Variants in HPCAL4 observed in about 807,000 individuals in gnomAD.
HPCAL4 encodes the protein hippocalcin-like protein 4.
Under a neutral mutation model 18.2 loss-of-function variants are expected in HPCAL4, and 16 were observed. That is an observed-to-expected ratio of 0.88 (90% CI 0.59 to 1.33). The LOEUF (loss-of-function observed/expected upper bound fraction) is 1.33. Ranked by LOEUF, HPCAL4 falls within the 40% of genes most tolerant of loss-of-function variation. HPCAL4 has a pLI of 0.00. For synonymous variants in HPCAL4, 80 were observed against 97.5 expected, an observed-to-expected ratio of 0.82 and a Z score of 1.06; for missense variants, 214 against 256.6, an observed-to-expected ratio of 0.83 and a Z score of 1.14.
chr1:39,683,831 C>T lies in HPCAL4; in HGVS notation c.378+106G>A, dbSNP rs982851803. ...GGGTGGTAGGAGGCGGGATCGCAGGCTGGGGAGCAGCAGGGAGGCCCCGAA... is the reference window on the plus strand; with the variant it reads ...GGGTGGTAGGAGGCGGGATCGCAGGTTGGGGAGCAGCAGGGAGGCCCCGAA... On this transcript the variant is annotated intron_variant, in intron 3 of 3. Coordinates refer to ENST00000372844, the MANE Select transcript of HPCAL4 (RefSeq NM_016257.4). The T allele has an allele frequency of 5.1e-6, 5 of 982,574 alleles. No individual in the cohort carries two copies. The African/African-American group carries it at 8.0e-5, about 16-fold the overall frequency. 60.9% of individuals were successfully genotyped at this position (982,574 alleles called of 1,614,324 possible). A position where few individuals can be genotyped will look rare whatever the true frequency, so the allele number is the denominator to read the frequency against.
chr1:39,691,044 C>T (rs1339688640), intron 1 of HPCAL4: 1 of 152,556 alleles, frequency 6.6e-6, no homozygotes, highest in East Asian at 1.9e-4. Flanking sequence ...TGTTGGGGGC[C>T]ATAGCAATGG....
chr1:39,690,153 C>G (rs1308701487), intron 1 of HPCAL4, among the ~76,000 whole-genome samples: 2 of 152,024 alleles, frequency 1.3e-5, no homozygotes, highest in East Asian at 3.9e-4. Context: ...CCCCTCAGGT[C>G]TCCTCTCTTT....
At position 39,684,426 on chromosome 1, in the gene HPCAL4, G is replaced by A. The variant is rs762570710; in HGVS notation, c.162+16C>T. 3.6e-6 allele frequency: 5 copies of A among 1,381,490 alleles called. No individual in the cohort carries two copies. The highest frequency in any genetic ancestry group is 4.7e-6 in the Non-Finnish European group (5 of 1,062,132). The allele number at this position is 1,381,490 out of a possible 1,614,324, so 85.6% of individuals were successfully genotyped here. The stretch of plus-strand genomic sequence containing the variant: ...CCGGGTACTTGGCTCCCTCACACCA[G>A]GTGCCGGCCGCCCACCTTGATGTAG... On this transcript the variant is annotated intron_variant, in intron 2 of 3. Transcript: ENST00000372844.
In HPCAL4 at chr1:39,684,066, C is replaced by T. The variant is rs997142727; in HGVS notation, c.249G>A (p.Arg83=). ...DKNGDGTIDF[R]EFICALSVTS... Reference sequence around the variant, plus strand: ...TGACCGACAGGGCGCAGATGAACTCCCGGAAGTCGATGGTGCCGTCGCCGT... The same window carrying T: ...TGACCGACAGGGCGCAGATGAACTCTCGGAAGTCGATGGTGCCGTCGCCGT... The change falls in exon 3 of 4, where the codon CGG becomes CGA. Residue 83 remains arginine, a synonymous_variant. Coordinates refer to ENST00000372844, the MANE Select transcript of HPCAL4 (RefSeq NM_016257.4). 4.3e-6 allele frequency: 7 copies of T among 1,614,016 alleles called. No homozygotes were observed. The highest frequency in any genetic ancestry group is 5.9e-6 in the Non-Finnish European group (7 of 1,179,926).
intron 1 of HPCAL4, among the ~76,000 whole-genome samples, chr1:39,686,462 A>G (rs1646676387): frequency 6.6e-6 from 1 of 152,204 alleles, no homozygotes; most frequent in Non-Finnish European, 1.5e-5. Flanking sequence ...GTGAGAGACA[A>G]TGCTGCCAGA....
intron 1 of HPCAL4, among the ~76,000 whole-genome samples, chr1:39,690,328 C>T (rs1557756621): frequency 6.6e-6 from 1 of 152,148 alleles, no homozygotes; most frequent in Non-Finnish European, 1.5e-5. Context: ...TGGCCAAAGT[C>T]AAACTTTGGC....
Position 39,682,396 on chromosome 1 carries a change from G to A in HPCAL4, c.*140C>T. 1 of 694,208 alleles carries A rather than the reference G, an allele frequency of 1.4e-6. No homozygotes were observed. Among genetic ancestry groups the A allele is most frequent in the East Asian group, 2.7e-5 (1 of 37,170 alleles). 43.0% of individuals were successfully genotyped at this position (694,208 alleles called of 1,614,324 possible). A position where few individuals can be genotyped will look rare whatever the true frequency, so the allele number is the denominator to read the frequency against. Reference sequence around the variant, plus strand: ...CCCTCAAAGATCTTGATGGAGGGGAGGAAGGGCTTGGGCAGAGGACTGGGT... The same window carrying A: ...CCCTCAAAGATCTTGATGGAGGGGAAGAAGGGCTTGGGCAGAGGACTGGGT... On this transcript the variant is annotated 3_prime_UTR_variant, in exon 4 of 4. Transcript: ENST00000372844.
chr1:39,683,803 G>T, intron 3 of HPCAL4, 134 bp downstream of exon 3: 2 of 758,048 alleles, frequency 2.6e-6, no homozygotes, highest in Non-Finnish European at 4.4e-6. Flanking sequence ...CGGGCCTGTA[G>T]CGGGGTGGTA....
chr1:39,689,311 T>C (rs785113), intron 1 of HPCAL4, among the ~76,000 whole-genome samples: 127,644 of 151,874 alleles, frequency 0.84, 53,995 homozygotes, highest in East Asian at 1. Context: ...ACAGAACTGC[T>C]CTGTGGAGAC....
Position 39,684,164 on chromosome 1 carries a change from G to T in HPCAL4, c.163-12C>A. ...CCGTAGGGGAAGAACTGAGGGGGGT[G>T]CGGTGGGTTGGGGCGCAGCGACAGC... On this transcript the variant is annotated splice_polypyrimidine_tract_variant and intron_variant, in intron 2 of 3. Transcript: ENST00000372844. The T allele has an allele frequency of 6.2e-7, 1 of 1,606,424 alleles. No homozygotes were observed. Among genetic ancestry groups the T allele is most frequent in the Non-Finnish European group, 8.5e-7 (1 of 1,174,912 alleles).
rs530114056 is a variant in HPCAL4 at position 39,687,920 on chromosome 1, A to G, written c.-8-3309T>C. Among the ~76,000 whole-genome samples the G allele has an allele frequency of 6.3e-3, 888 of 140,176 alleles. 8 individuals are homozygous for G. The highest frequency in any genetic ancestry group is 0.023 in the African/African-American group (859 of 37,104). The allele number at this position is 140,176 out of a possible 152,430, so 92.0% of individuals were successfully genotyped here. ...CCTGTCTCAAAAAAAAAATAAGTAA[A>G]TAAAAAATTAAGAAAAGAAGGTCAA... On this transcript the variant is annotated intron_variant, in intron 1 of 3. Transcript: ENST00000372844.
At position 39,680,932 on chromosome 1, in the gene HPCAL4, A is replaced by G. The variant is rs1251036561; in HGVS notation, c.*1604T>C. The G allele has an allele frequency of 6.6e-6, 1 of 152,670 alleles. No individual in the cohort carries two copies. Among genetic ancestry groups the G allele is most frequent in the African/African-American group, 2.4e-5 (1 of 41,456 alleles). 9.5% of individuals were successfully genotyped at this position (152,670 alleles called of 1,614,324 possible). ...CAATTCCCCTGCCCCGGGCTCAGCA[A>G]TCATTTCCTGCTCCCACCCTGGGCT... On this transcript the variant is annotated 3_prime_UTR_variant, in exon 4 of 4. Transcript: ENST00000372844.
rs868203366 is a variant in HPCAL4, at chr1:39,679,927, C to T, written c.*2609G>A. On this transcript the variant is annotated 3_prime_UTR_variant, in exon 4 of 4. Coordinates refer to ENST00000372844, the MANE Select transcript of HPCAL4 (RefSeq NM_016257.4). The stretch of plus-strand genomic sequence containing the variant: ...AATCAAACACGCCTTCATGGGTAGG[C>T]ATGTTTCTCTTAGTGAAGATGATGG... 1.3e-5 allele frequency: 2 copies of T among 152,672 alleles called. No individual in the cohort carries two copies. Among genetic ancestry groups the T allele is most frequent in the Non-Finnish European group, 1.5e-5 (1 of 68,030 alleles). 9.5% of individuals were successfully genotyped at this position (152,672 alleles called of 1,614,324 possible).
intron 1 of HPCAL4, among the ~76,000 whole-genome samples, chr1:39,689,439 G>T (rs1017630745): frequency 6.6e-6 from 1 of 152,162 alleles, no homozygotes; most frequent in African/African-American, 2.4e-5. Flanking sequence ...TTGTTTATCT[G>T]TGTTCTCCTG....
chr1:39,683,981 C>G lies in HPCAL4; in HGVS notation c.334G>C (p.Gly112Arg). ...TCCAGGCGCGTGATGCGCCCGTCGC[C>G]GTCCAGGTCGTACATCTCAAAGGCC... Reference protein sequence around the residue: ...NWAFEMYDLDGDGRITRLEML... With the variant: ...NWAFEMYDLDRDGRITRLEML... The change falls in exon 3 of 4, where the codon GGC (glycine) becomes CGC (arginine). Residue 112 changes from glycine to arginine, a missense_variant. Physicochemically the swap from Gly to Arg is moderately radical, Grantham distance 125. Coordinates refer to ENST00000372844, the MANE Select transcript of HPCAL4 (RefSeq NM_016257.4). 3 of 1,613,932 alleles carry G rather than the reference C, an allele frequency of 1.9e-6. No homozygotes were observed. The highest frequency in any genetic ancestry group is 1.1e-5 in the South Asian group (1 of 91,090).
chr1:39,687,035 A>T (rs1397414054), intron 1 of HPCAL4, among the ~76,000 whole-genome samples: 1 of 151,828 alleles, frequency 6.6e-6, no homozygotes, highest in Admixed American at 6.6e-5. Flanking sequence ...ATTCCTTCCC[A>T]CTCCCCTTTG....
intron 1 of HPCAL4, among the ~76,000 whole-genome samples, chr1:39,690,090 C>G (rs1646706412): frequency 6.6e-6 from 1 of 152,126 alleles, no homozygotes; most frequent in Admixed American, 6.6e-5. Context: ...TAGCCTGTAC[C>G]TAGGCTGGTT....
intron 2 of HPCAL4, 112 bp downstream of exon 2, chr1:39,684,330 C>A: frequency 1.5e-6 from 2 of 1,301,442 alleles, no homozygotes; most frequent in Non-Finnish European, 2.1e-6. Flanking sequence ...CCCTCCCACC[C>A]CGGGTGCCTC....
At chr1:39,685,679 A>G (rs890664284) in intron 1 of HPCAL4, among the ~76,000 whole-genome samples, 2 of 152,062 alleles carry the variant, frequency 1.3e-5, no homozygotes, top group Admixed American at 6.5e-5. Flanking sequence ...GGTGATCAAG[A>G]CCATCCTGGC....
Sources: allele counts gnomAD v4.1 joint callset (sites outside exome capture counted in the v4.1 genomes callset), GRCh38; gene constraint gnomAD v4.1.1; transcripts MANE v1.5; gene names NCBI Gene and HGNC (gene_info 2026-07-23, HGNC 2026-07-21).